Variants in PWWP3A observed in about 807,000 individuals in gnomAD.
PWWP3A encodes PWWP domain containing 3A, DNA repair factor.
In PWWP3A, 53 loss-of-function variants were observed where a neutral mutation model predicts 79.0. The ratio of observed to expected loss-of-function variants is 0.67; its 90% confidence interval spans 0.54 to 0.84. PWWP3A has a LOEUF of 0.84. PWWP3A is among the 40% of genes least tolerant of loss of function. The pLI is 0.00. For missense variants in PWWP3A, 973 were observed against 948.0 expected (o/e 1.03, Z -0.35); for synonymous variants, 443 against 394.4 (o/e 1.12, Z -1.46).
intron 7 of PWWP3A, 119 bp downstream of exon 7, chr19:1,364,698 T>C: frequency 1.1e-6 from 1 of 915,650 alleles, no homozygotes; most frequent in Non-Finnish European, 1.6e-6. Context: ...TGTTTTGTTT[T>C]TCCTGGGAAA....
At chr19:1,371,396 TC>T in intron 12 of PWWP3A, 1 of 702,916 alleles carries the variant, frequency 1.4e-6, no homozygotes, top group East Asian at 2.7e-5. Flanking sequence ...GGTGGGTCAG[TC>T]CTGGGAAACC....
In PWWP3A at chr19:1,360,767, G is replaced by A. The variant is rs1199136173; in HGVS notation, c.846G>A (p.Ala282=). 1.2e-5 allele frequency: 20 copies of A among 1,610,626 alleles called. No individual in the cohort carries two copies. The African/African-American group carries it at 1.3e-4, about 11-fold the overall frequency. ...GTCTGCCGTTGGGCAGCCTCACTGC[G>A]CCCCCAGCCCCTGAGCCCTCGGCCT... ...DPGLPLGSLT[A]PPAPEPSACS... Residue 282 remains alanine (A), a synonymous_variant, in exon 5 of 14, where the codon GCG becomes GCA. Coordinates refer to ENST00000591337, the MANE Select transcript of PWWP3A (RefSeq NM_001369789.1). This position sits in a 1 kb window ranked among gnomAD's most constrained non-coding sequence, Gnocchi z 4.4.
At chr19:1,362,092 T>G (rs1217076162) in intron 5 of PWWP3A, 158 bp from the exon 6 acceptor site, 2 of 490,126 alleles carry the variant, frequency 4.1e-6, no homozygotes, top group Non-Finnish European at 7.1e-6. Flanking sequence ...TGTAGTTTAT[T>G]AGAAGCGCAC....
chr19:1,369,658 G>T lies in PWWP3A; in HGVS notation c.1549+12G>T. The T allele has an allele frequency of 1.2e-6, 2 of 1,614,096 alleles. No homozygotes were observed. Among genetic ancestry groups the T allele is most frequent in the Non-Finnish European group, 1.7e-6 (2 of 1,179,924 alleles). ...CGCGGCTGATATAAGTAAGTCTACA[G>T]GCACATCTTGGAAAATGTGGTTTGC... On this transcript the variant is annotated intron_variant, in intron 11 of 13. Transcript: ENST00000591337. The surrounding 1 kb of genome is among the most constrained non-coding windows in gnomAD (Gnocchi z 4.0).
intron 13 of PWWP3A, among the ~76,000 whole-genome samples, chr19:1,375,187 C>T (rs916423800): frequency 1.8e-4 from 26 of 147,386 alleles, no homozygotes; most frequent in Admixed American, 9.7e-4. Flanking sequence ...TGTGCTACTG[C>T]ATTCCAGCCT....
Position 1,360,121 on chromosome 19 carries a change from G to T in PWWP3A, c.215-15G>T, listed in dbSNP as rs200994207. The T allele has an allele frequency of 7.8e-6, 12 of 1,537,866 alleles. No homozygotes were observed. Among genetic ancestry groups the T allele is most frequent in the Non-Finnish European group, 1.0e-5 (12 of 1,144,842 alleles). ...AGTGAACGTAACCGGCATTGTGTAT[G>T]TTCGGTCCTTGCAGCCTCACAGAAT... On this transcript the variant is annotated splice_polypyrimidine_tract_variant and intron_variant, in intron 4 of 13. Transcript: ENST00000591337. The surrounding 1 kb of genome is among the most constrained non-coding windows in gnomAD (Gnocchi z 4.4).
chr19:1,374,126 T>G (rs2144767689), intron 13 of PWWP3A: 1 of 151,970 alleles, frequency 6.6e-6, no homozygotes, highest in South Asian at 2.1e-4. Flanking sequence ...GTTTGTCCTC[T>G]CCCTCCGTCT....
At chr19:1,362,475 C>G (rs2082040055) in intron 6 of PWWP3A, 124 bp downstream of exon 6, 1 of 693,550 alleles carries the variant, frequency 1.4e-6, no homozygotes, top group East Asian at 2.7e-5. Context: ...TTCTCTCCCA[C>G]TGAACCGAGA....
chr19:1,359,929 C>T lies in PWWP3A; in HGVS notation c.215-207C>T, dbSNP rs1386909235. ...AAATTTGGTTTTTAAAAAAATGAAG[C>T]CTCGAATCCCGGAATGAATAGCTGT... is the stretch of plus-strand genomic sequence containing the variant. On this transcript the variant is annotated intron_variant, in intron 4 of 13. Transcript: ENST00000591337. 8 of 482,634 alleles carry T rather than the reference C, an allele frequency of 1.7e-5. No homozygotes were observed. In the East Asian group the frequency reaches 2.1e-4, roughly 13 times the overall value. The allele number at this position is 482,634 out of a possible 1,614,324, so 29.9% of individuals were successfully genotyped here.
chr19:1,368,910 C>T lies in PWWP3A; in HGVS notation c.1423-355C>T, dbSNP rs1018534768. Among the ~76,000 whole-genome samples, 1 of 143,296 alleles carries T rather than the reference C, an allele frequency of 7.0e-6. No individual in the cohort carries two copies. Among genetic ancestry groups the T allele is most frequent in the Non-Finnish European group, 1.5e-5 (1 of 65,904 alleles). 94.0% of individuals were successfully genotyped at this position (143,296 alleles called of 152,430 possible). ...CCATCGGGTCCCCGGTGCCCACCTG[C>T]GTTCAGACCAGCCCAAGCCATCGGG... On this transcript the variant is annotated intron_variant, in intron 9 of 13. Coordinates refer to ENST00000591337, the MANE Select transcript of PWWP3A (RefSeq NM_001369789.1). This position sits in a 1 kb window ranked among gnomAD's most constrained non-coding sequence, Gnocchi z 4.7.
At chr19:1,376,301 T>TTG (rs2082395987) in intron 13 of PWWP3A, among the ~76,000 whole-genome samples, 1 of 105,242 alleles carries the variant, frequency 9.5e-6, no homozygotes, top group African/African-American at 4.7e-5. Flanking sequence ...GTTTGTTTTT[T>TTG]TTTTTGTTTG....
rs751495900 is a variant in PWWP3A at position 1,376,544 on chromosome 19, C to T, written c.2101C>T (p.Leu701Phe). ...GGAAAAAGAAATATTTGACAACCAG[C>T]TCCTTGAAGAGCGGAACCGGCGCCG... ...YREKEIFDNQ[L>F]LEERNRRRR is the part of the protein sequence containing the mutation. Residue 701 changes from leucine (L) to phenylalanine (F), a missense_variant, in exon 14 of 14, where the codon CTC (leucine) becomes TTC (phenylalanine). Coordinates refer to ENST00000591337, the MANE Select transcript of PWWP3A (RefSeq NM_001369789.1). The T allele has an allele frequency of 2.5e-6, 4 of 1,613,564 alleles. No individual in the cohort carries two copies. The Admixed American group carries it at 5.0e-5, about 20-fold the overall frequency.
intron 6 of PWWP3A, 73 bp from the exon 7 acceptor site, chr19:1,364,436 T>A (rs2082086362): frequency 8.8e-7 from 1 of 1,139,300 alleles, no homozygotes; most frequent in Non-Finnish European, 1.3e-6. Flanking sequence ...CTCAGGCTGT[T>A]ACACCTGGTG....
intron 8 of PWWP3A, 56 bp downstream of exon 8, chr19:1,366,437 C>G: frequency 1.3e-6 from 2 of 1,523,552 alleles, no homozygotes; most frequent in Non-Finnish European, 1.8e-6. Context: ...GCCGGCCGCT[C>G]TCAGAGTCAG....
At position 1,377,489 on chromosome 19, in the gene PWWP3A, A is replaced by C. The variant is rs1251543049; in HGVS notation, c.*913A>C. ...TGGCAGAAGCGCAGCCTTTGTATGGAGGCCCAACCGCGCTCCCGTCTGGAG... is the reference window on the plus strand; with the variant it reads ...TGGCAGAAGCGCAGCCTTTGTATGGCGGCCCAACCGCGCTCCCGTCTGGAG... On this transcript the variant is annotated 3_prime_UTR_variant, in exon 14 of 14. Transcript: ENST00000591337. 1 of 152,332 alleles carries C rather than the reference A, an allele frequency of 6.6e-6. No individual in the cohort carries two copies. Among genetic ancestry groups the C allele is most frequent in the East Asian group, 1.9e-4 (1 of 5,198 alleles). The allele number at this position is 152,332 out of a possible 1,614,324, so 9.4% of individuals were successfully genotyped here.
At chr19:1,375,509 AAT>A (rs1223232582) in intron 13 of PWWP3A, among the ~76,000 whole-genome samples, 8 of 14,322 alleles carry the variant, frequency 5.6e-4, no homozygotes, top group East Asian at 2.3e-3. Flanking sequence ...TTTTATATAT[AAT>A]ATATAAAATC....
At chr19:1,373,411 G>T (rs1746802785) in intron 13 of PWWP3A, 5 of 546,264 alleles carry the variant, frequency 9.2e-6, no homozygotes, top group Non-Finnish European at 1.6e-5. Flanking sequence ...CACGTGCCTG[G>T]GCCGTGTCTG....
Position 1,377,571 on chromosome 19 carries a change from G to C in PWWP3A, c.*995G>C, listed in dbSNP as rs548955848. On this transcript the variant is annotated 3_prime_UTR_variant, in exon 14 of 14. Coordinates refer to ENST00000591337, the MANE Select transcript of PWWP3A (RefSeq NM_001369789.1). Reference sequence around the variant, plus strand: ...GCTCTGGTCCACAGCACGGTGCCGGGGCTGCAGGTTGTTGAGGGCTGTGAC... The same window carrying C: ...GCTCTGGTCCACAGCACGGTGCCGGCGCTGCAGGTTGTTGAGGGCTGTGAC... 6.6e-6 allele frequency: 1 copy of C among 152,526 alleles called. No individual in the cohort carries two copies. Among genetic ancestry groups the C allele is most frequent in the South Asian group, 2.1e-4 (1 of 4,834 alleles). The allele number at this position is 152,526 out of a possible 1,614,324, so 9.4% of individuals were successfully genotyped here. A position where few individuals can be genotyped will look rare whatever the true frequency, so the allele number is the denominator to read the frequency against.
At chr19:1,356,531 G>T (rs763973845) in intron 2 of PWWP3A, 82 bp downstream of exon 2, 76 of 1,359,006 alleles carry the variant, frequency 5.6e-5, no homozygotes, top group Admixed American at 5.3e-5. Flanking sequence ...AGATACCTAG[G>T]ATTTGCTTCA....
Sources: gnomAD v4.1 joint callset for allele counts (sites outside exome capture counted in the v4.1 genomes callset) on GRCh38, gnomAD v4.1.1 for gene constraint, Gnocchi (gnomAD v3.1) non-coding constraint, MANE v1.5 for transcripts, NCBI Gene and HGNC (gene_info 2026-07-23, HGNC 2026-07-21) for gene names.